The following PLPP3 variants were observed in gnomAD, a reference collection of about 807,000 sequenced individuals.
PLPP3 encodes the protein PAP2 beta.
PLPP3 carries 6 observed loss-of-function variants against 29.6 expected under a neutral mutation model. The observed-to-expected ratio is 0.20, with a 90% CI of 0.11 to 0.40. PLPP3 has a LOEUF of 0.40. Ranked by LOEUF, PLPP3 falls within the 10% of genes least tolerant of loss-of-function variation. The pLI is 1.00. For missense variants in PLPP3, 308 were observed against 407.7 expected (o/e 0.76, Z 2.11); for synonymous variants, 152 against 159.7 (o/e 0.95, Z 0.36).
chr1:56,565,172 G>C (rs1242014789), intron 1 of PLPP3, among the ~76,000 whole-genome samples: 2 of 152,204 alleles, frequency 1.3e-5, no homozygotes, highest in African/African-American at 2.4e-5. Flanking sequence ...CCTGTCAGTG[G>C]TTGCTAACTT....
At position 56,508,247 on chromosome 1, in the gene PLPP3, C is replaced by T. The variant is rs975524; in HGVS notation, c.810+3729G>A. Among the ~76,000 whole-genome samples, 93 of 152,134 alleles carry T rather than the reference C, an allele frequency of 6.1e-4. No individual in the cohort carries two copies. In the East Asian group the frequency reaches 0.013, roughly 21 times the overall value. ...GAAAATATTGAAATGTTTGACATGC[C>T]GGGAGGTGAAGGGGTGGAGAGATGA... On this transcript the variant is annotated intron_variant, in intron 5 of 5. Transcript: ENST00000371250.
At chr1:56,515,937 T>C (rs1053491771) in intron 4 of PLPP3, among the ~76,000 whole-genome samples, 2 of 152,182 alleles carry the variant, frequency 1.3e-5, no homozygotes, top group African/African-American at 4.8e-5. Flanking sequence ...GGAGATGACA[T>C]GGAAAGGAAC....
rs143167621 is a variant in PLPP3 at position 56,564,486 on chromosome 1, T to C, written c.139+14392A>G. 5.9e-5 allele frequency among the ~76,000 whole-genome samples: 9 copies of C among 152,316 alleles called. No homozygotes were observed. The East Asian group carries it at 7.7e-4, about 13-fold the overall frequency. On this transcript the variant is annotated intron_variant, in intron 1 of 5. Coordinates refer to ENST00000371250, the MANE Select transcript of PLPP3 (RefSeq NM_003713.5). ...ATGCAAACGTTATCATTTGGTAGAA[T>C]TGTTCAGTAAAAGGGATTATTAATT...
intron 1 of PLPP3, among the ~76,000 whole-genome samples, chr1:56,546,718 A>G (rs897963627): frequency 6.6e-6 from 1 of 152,202 alleles, no homozygotes; most frequent in Non-Finnish European, 1.5e-5. Context: ...GCCTTGCTGA[A>G]ATAGAAAGCC....
At chr1:56,551,818 C>T (rs1248473300) in intron 1 of PLPP3, among the ~76,000 whole-genome samples, 1 of 152,188 alleles carries the variant, frequency 6.6e-6, no homozygotes, top group East Asian at 1.9e-4. Flanking sequence ...AAAAGCCTCA[C>T]AAAACCTAGG....
At chr1:56,557,404 A>G (rs77536977) in intron 1 of PLPP3, among the ~76,000 whole-genome samples, 1 of 152,174 alleles carries the variant, frequency 6.6e-6, no homozygotes, top group Non-Finnish European at 1.5e-5. Context: ...AAAGGAAGAG[A>G]AAGAAAGATT....
At chr1:56,530,474 T>A (rs1313198721) in intron 2 of PLPP3, among the ~76,000 whole-genome samples, 6 of 152,154 alleles carry the variant, frequency 3.9e-5, no homozygotes, top group Non-Finnish European at 8.8e-5. Flanking sequence ...CCATTCCCAC[T>A]CCTGTCCCAA....
In PLPP3 at chr1:56,553,828, C is replaced by G. The variant is rs143644541; in HGVS notation, c.140-16716G>C. Among the ~76,000 whole-genome samples, 933 of 152,296 alleles carry G rather than the reference C, an allele frequency of 6.1e-3. 14 individuals carry two copies. The highest frequency in any genetic ancestry group is 0.021 in the African/African-American group (873 of 41,566). On this transcript the variant is annotated intron_variant, in intron 1 of 5. Transcript: ENST00000371250. ...CTAATTTTAACCTAAAACAAGCCAACTAACCTCTCACAGTGATGTGGGAGG... is the reference window on the plus strand; with the variant it reads ...CTAATTTTAACCTAAAACAAGCCAAGTAACCTCTCACAGTGATGTGGGAGG...
chr1:56,573,954 C>T (rs1048755874), intron 1 of PLPP3, among the ~76,000 whole-genome samples: 1 of 152,162 alleles, frequency 6.6e-6, no homozygotes, highest in Admixed American at 6.5e-5. Context: ...GTAATCCCAG[C>T]ACTTTGGGAG....
intron 2 of PLPP3, among the ~76,000 whole-genome samples, chr1:56,532,066 G>C (rs1645892892): frequency 1.3e-5 from 2 of 152,192 alleles, no homozygotes; most frequent in Admixed American, 1.3e-4. Context: ...AACTAAGGAA[G>C]AATTGCTGCT....
At chr1:56,520,562 T>C (rs1239203103) in intron 4 of PLPP3, among the ~76,000 whole-genome samples, 1 of 152,070 alleles carries the variant, frequency 6.6e-6, no homozygotes, top group African/African-American at 2.4e-5. Context: ...TTCAATTTTC[T>C]TTAGAAAGTT....
chr1:56,549,934 T>C (rs1166962763), intron 1 of PLPP3, among the ~76,000 whole-genome samples: 1 of 152,172 alleles, frequency 6.6e-6, no homozygotes, highest in Non-Finnish European at 1.5e-5. Flanking sequence ...TTGCTGCACC[T>C]CCCTTATTCT....
At chr1:56,534,850 T>C (rs1444543177) in intron 2 of PLPP3, among the ~76,000 whole-genome samples, 1 of 152,110 alleles carries the variant, frequency 6.6e-6, no homozygotes, top group Non-Finnish European at 1.5e-5. Context: ...CCAGCTGAAA[T>C]GCAACAGCAG....
chr1:56,548,034 A>G (rs747688132), intron 1 of PLPP3, among the ~76,000 whole-genome samples: 19 of 152,216 alleles, frequency 1.2e-4, no homozygotes, highest in Non-Finnish European at 2.2e-4. Flanking sequence ...AGCTGTTTAC[A>G]TGATGCCAAT....
chr1:56,507,892 T>C (rs1645714428), intron 5 of PLPP3, among the ~76,000 whole-genome samples: 1 of 152,142 alleles, frequency 6.6e-6, no homozygotes, highest in Non-Finnish European at 1.5e-5. Flanking sequence ...GATTCTATGC[T>C]GCTAGCTTTG....
Position 56,512,124 on chromosome 1 carries a change from C to T in PLPP3, c.662G>A (p.Arg221Gln), listed in dbSNP as rs763212888. 1.9e-5 allele frequency: 30 copies of T among 1,606,292 alleles called. No individual in the cohort carries two copies. The South Asian group carries it at 2.3e-4, about 13-fold the overall frequency. ...GAGGGGCCGGAGCAGGCGGGCTCCT[C>T]GCCAAGTGAAGCGGGCCTGCAGGTA... Reference protein sequence around the residue: ...VLYLQARFTWRGARLLRPLLQ... With the variant: ...VLYLQARFTWQGARLLRPLLQ... The change falls in exon 5 of 6, where the codon CGA (arginine) becomes CAA (glutamine). Residue 221 changes from arginine to glutamine, a missense_variant. Transcript: ENST00000371250.
chr1:56,525,562 G>A (rs1256986138), intron 2 of PLPP3, among the ~76,000 whole-genome samples: 1 of 152,064 alleles, frequency 6.6e-6, no homozygotes, highest in African/African-American at 2.4e-5. Context: ...TTAAGGATGG[G>A]GGACAGCTGA....
intron 1 of PLPP3, among the ~76,000 whole-genome samples, chr1:56,574,125 G>A (rs1015151201): frequency 2.6e-5 from 4 of 151,704 alleles, no homozygotes; most frequent in East Asian, 1.9e-4. Context: ...GCTTGAATCC[G>A]GGAGGCAGAG....
chr1:56,552,301 G>A (rs529701865), intron 1 of PLPP3, among the ~76,000 whole-genome samples: 18 of 151,576 alleles, frequency 1.2e-4, no homozygotes, highest in African/African-American at 3.6e-4. Context: ...TACGTGACCC[G>A]AATTTCAGGG....
Sources: allele counts gnomAD v4.1 joint callset (sites outside exome capture counted in the v4.1 genomes callset), GRCh38; gene constraint gnomAD v4.1.1; transcripts MANE v1.5; gene names NCBI Gene and HGNC (gene_info 2026-07-23, HGNC 2026-07-21).